Variants in PCARE observed in about 807,000 individuals in gnomAD.
The protein encoded by PCARE is uncharacterized protein C2orf71.
Under a neutral mutation model 82.2 loss-of-function variants are expected in PCARE, and 72 were observed. The ratio of observed to expected loss-of-function variants is 0.88; its 90% CI spans 0.72 to 1.07. The LOEUF (loss-of-function observed/expected upper bound fraction) is 1.07. Ranked by LOEUF, PCARE falls within the 50% of genes least tolerant of loss-of-function variation. PCARE has a pLI of 0.00. For missense variants in PCARE, 1,768 were observed against 1,592.4 expected (o/e 1.11, Z -1.88); for synonymous variants, 705 against 634.8 (o/e 1.11, Z -1.66).
chr2:29,064,690 C>G lies in PCARE; in HGVS notation c.*179G>C. The G allele has an allele frequency of 1.3e-6, 1 of 753,198 alleles. No individual in the cohort carries two copies. The allele number at this position is 753,198 out of a possible 1,614,324, so 46.7% of individuals were successfully genotyped here. A position where few individuals can be genotyped will look rare whatever the true frequency, so the allele number is the denominator to read the frequency against. ...CCCCAAGGCAGAGCAAGATCTGGGA[C>G]TGAAAACGGCGATTGTTTAAAATTC... On this transcript the variant is annotated 3_prime_UTR_variant, in exon 2 of 2. Coordinates refer to ENST00000331664, the MANE Select transcript of PCARE (RefSeq NM_001029883.3).
In PCARE at chr2:29,074,068, C is replaced by G; in HGVS notation, c.194G>C (p.Arg65Thr). Residue 65 changes from arginine (R) to threonine (T), a missense_variant, in exon 1 of 2, where the codon AGG becomes ACG. By Grantham distance (71) the Arg-to-Thr change is moderately conservative. Transcript: ENST00000331664. ...ACCTTTAGCTGTGGTTTGGTTCCTC[C>G]TGGGACTTGGCTGCTCCTCTGCCAG... ...EGLAEEQPSP[R>T]RNQTTAKGLC... 1 of 1,614,206 alleles carries G rather than the reference C, an allele frequency of 6.2e-7. No individual in the cohort carries two copies.
chr2:29,072,901 G>C lies in PCARE; in HGVS notation c.1361C>G (p.Thr454Ser). The C allele has an allele frequency of 6.2e-7, 1 of 1,614,180 alleles. No homozygotes were observed. Among genetic ancestry groups the C allele is most frequent in the Middle Eastern group, 1.6e-4 (1 of 6,062 alleles). Residue 454 changes from threonine (T) to serine (S), a missense_variant, in exon 1 of 2, where the codon ACC becomes AGC. Physicochemically the swap from Thr to Ser is moderately conservative, Grantham distance 58. Transcript: ENST00000331664. ...CCCAATCCCAAAGGAATCACATGGG[G>C]TGCTTGTCCCCAGCTTCAAAGGTGG... Reference protein sequence around the residue: ...TSPPLKLGTSTPCDSFGIGVS... With the variant: ...TSPPLKLGTSSPCDSFGIGVS...
chr2:29,074,288 C>T lies in PCARE; in HGVS notation c.-27G>A. The T allele has an allele frequency of 1.3e-6, 2 of 1,514,392 alleles. No individual in the cohort carries two copies. The highest frequency in any genetic ancestry group is 1.8e-6 in the Non-Finnish European group (2 of 1,133,280). The allele number at this position is 1,514,392 out of a possible 1,614,324, so 93.8% of individuals were successfully genotyped here. On this transcript the variant is annotated 5_prime_UTR_variant, in exon 1 of 2. Coordinates refer to ENST00000331664, the MANE Select transcript of PCARE (RefSeq NM_001029883.3). ...ATTTCAGCTTGTAGTCATCTTCCAC[C>T]CACCTTCACAATTTTCCAAGAATCA...
chr2:29,067,607 C>T (rs1319514172), intron 1 of PCARE, among the ~76,000 whole-genome samples: 2 of 152,196 alleles, frequency 1.3e-5, no homozygotes, highest in African/African-American at 2.4e-5. Context: ...TGCAATGGCA[C>T]GATCTTGGCT....
At position 29,073,430 on chromosome 2, in the gene PCARE, G is replaced by C; in HGVS notation, c.832C>G (p.Leu278Val). 6.2e-7 allele frequency: 1 copy of C among 1,614,146 alleles called. No homozygotes were observed. The highest frequency in any genetic ancestry group is 1.1e-5 in the South Asian group (1 of 91,086). ...QQLLQYTVSK[L>V]QVLNGTVASL... ...GCCACTGTGCCATTGAGCACCTGCA[G>C]CTTGCTGACTGTGTACTGTAGCAGC... is the stretch of plus-strand genomic sequence containing the variant. The change falls in exon 1 of 2, where the codon CTG becomes GTG. Residue 278 changes from leucine (L) to valine (V), a missense_variant. Coordinates refer to ENST00000331664, the MANE Select transcript of PCARE (RefSeq NM_001029883.3).
chr2:29,066,325 AG>A (rs1572822977), intron 1 of PCARE, among the ~76,000 whole-genome samples: 1 of 152,212 alleles, frequency 6.6e-6, no homozygotes, highest in Admixed American at 6.5e-5. Context: ...ATGAACAGGA[AG>A]TCACACTAGG....
chr2:29,070,987 G>A lies in PCARE; in HGVS notation c.3275C>T (p.Pro1092Leu), dbSNP rs748878261. The change falls in exon 1 of 2, where the codon CCA becomes CTA. Residue 1092 changes from proline (P) to leucine (L), a missense_variant. Pro to Leu is a moderately conservative substitution (Grantham distance 98). Transcript: ENST00000331664. ...PPFSIPSPSPPMSPSQEHKET... is the reference protein window; with the variant it reads ...PPFSIPSPSPLMSPSQEHKET... ...CTTGTGCTCCTGAGAAGGGGACATT[G>A]GGGGTGATGGGGAGGGAATCGAGAA... 10 of 1,612,104 alleles carry A rather than the reference G, an allele frequency of 6.2e-6. No homozygotes were observed. Among genetic ancestry groups the A allele is most frequent in the South Asian group, 2.2e-5 (2 of 91,042 alleles).
intron 1 of PCARE, among the ~76,000 whole-genome samples, chr2:29,069,916 C>T (rs1255692289): frequency 2.0e-5 from 3 of 152,078 alleles, no homozygotes; most frequent in African/African-American, 7.2e-5. Context: ...TGAGAACCTC[C>T]CAACTAGATG....
intron 1 of PCARE, among the ~76,000 whole-genome samples, chr2:29,070,119 T>TA (rs1667446766): frequency 2.0e-5 from 3 of 151,626 alleles, no homozygotes; most frequent in Non-Finnish European, 2.9e-5. Context: ...TATATATATA[T>TA]TTTTAAGTTC....
In PCARE at chr2:29,071,148, C is replaced by A; in HGVS notation, c.3114G>T (p.Val1038=). Residue 1038 remains valine, a synonymous_variant, in exon 1 of 2, where the codon GTG becomes GTT. Transcript: ENST00000331664. ...TPPSPPVSPR[V]LSPPTTKRRT... The stretch of plus-strand genomic sequence containing the variant: ...GCCGCTTTGTGGTGGGTGGGCTTAG[C>A]ACCCTGGGGCTCACAGGTGGGCTGG... 1 of 1,580,200 alleles carries A rather than the reference C, an allele frequency of 6.3e-7. No homozygotes were observed. The highest frequency in any genetic ancestry group is 8.6e-7 in the Non-Finnish European group (1 of 1,163,296).
At chr2:29,068,581 G>C (rs867732705) in intron 1 of PCARE, among the ~76,000 whole-genome samples, 1 of 152,014 alleles carries the variant, frequency 6.6e-6, no homozygotes, top group Non-Finnish European at 1.5e-5. Flanking sequence ...ACATTTCCCC[G>C]TGTATTCTGT....
rs1292543451 is a variant in PCARE at position 29,062,492 on chromosome 2, A to T, written c.*2377T>A. 2 of 152,376 alleles carry T rather than the reference A, an allele frequency of 1.3e-5. No homozygotes were observed. The highest frequency in any genetic ancestry group is 2.9e-5 in the Non-Finnish European group (2 of 68,192). The allele number at this position is 152,376 out of a possible 1,614,324, so 9.4% of individuals were successfully genotyped here. A position where few individuals can be genotyped will look rare whatever the true frequency, so the allele number is the denominator to read the frequency against. On this transcript the variant is annotated 3_prime_UTR_variant, in exon 2 of 2. Transcript: ENST00000331664. ...GCTTGCCAGCCTAGCCTGGCGAGGG[A>T]CAACCTCTAGTCTCAGACAGCCTCC... is the stretch of plus-strand genomic sequence containing the variant.
At position 29,070,650 on chromosome 2, in the gene PCARE, C is replaced by G. The variant is rs780134650; in HGVS notation, c.3612G>C (p.Gln1204His). 1.9e-6 allele frequency: 3 copies of G among 1,614,096 alleles called. No homozygotes were observed. Among genetic ancestry groups the G allele is most frequent in the Non-Finnish European group, 2.5e-6 (3 of 1,179,966 alleles). ...TGCTGGTGGGGTCCAAGGTGGGAGG[C>G]TGCGGTCGGCCACCTGGCTGGCGGT... Reference protein sequence around the residue: ...ASDRQPGGRPQPPTLDPTSTS... With the variant: ...ASDRQPGGRPHPPTLDPTSTS... The change falls in exon 1 of 2, where the codon CAG becomes CAC. Residue 1204 changes from glutamine to histidine, a missense_variant. Coordinates refer to ENST00000331664, the MANE Select transcript of PCARE (RefSeq NM_001029883.3).
Position 29,073,732 on chromosome 2 carries a change from G to A in PCARE, c.530C>T (p.Pro177Leu), listed in dbSNP as rs190791051. ...CTGGTGGGCCTTTACCAGAGGCTCC[G>A]GGAAGTCCACTTTGCCTTCAGGCTC... Reference protein sequence around the residue: ...AHEPEGKVDFPEPLVKAHQQA... With the variant: ...AHEPEGKVDFLEPLVKAHQQA... The change falls in exon 1 of 2, where the codon CCG becomes CTG. Residue 177 changes from proline to leucine, a missense_variant. Transcript: ENST00000331664. 387 of 1,614,188 alleles carry A rather than the reference G, an allele frequency of 2.4e-4. No individual in the cohort carries two copies. In the African/African-American group the frequency reaches 4.5e-3, roughly 19 times the overall value.
chr2:29,072,406 A>C lies in PCARE; in HGVS notation c.1856T>G (p.Leu619Arg), dbSNP rs1667507106. The C allele has an allele frequency of 1.2e-6, 2 of 1,614,170 alleles. No individual in the cohort carries two copies. The highest frequency in any genetic ancestry group is 1.7e-6 in the Non-Finnish European group (2 of 1,180,026). ...FQELRRVQRD[L>R]SQKLEAFYAL... ...ATAAAATGCCTCCAGCTTCTGACTGAGGTCCCTCTGGACCCTTCGCAGCTC... is the reference window on the plus strand; with the variant it reads ...ATAAAATGCCTCCAGCTTCTGACTGCGGTCCCTCTGGACCCTTCGCAGCTC... Residue 619 changes from leucine to arginine, a missense_variant, in exon 1 of 2, where the codon CTC (leucine) becomes CGC (arginine). Leu to Arg is a moderately radical substitution (Grantham distance 102). Coordinates refer to ENST00000331664, the MANE Select transcript of PCARE (RefSeq NM_001029883.3).
At chr2:29,067,966 C>T (rs939746122) in intron 1 of PCARE, among the ~76,000 whole-genome samples, 1 of 152,238 alleles carries the variant, frequency 6.6e-6, no homozygotes, top group South Asian at 2.1e-4. Flanking sequence ...AGAAGGGCAT[C>T]ATTTTCTTCT....
In PCARE at chr2:29,071,324, G is replaced by T; in HGVS notation, c.2938C>A (p.Pro980Thr). Residue 980 changes from proline (P) to threonine (T), a missense_variant, in exon 1 of 2, where the codon CCA (proline) becomes ACA (threonine). Pro to Thr is a conservative substitution (Grantham distance 38, BLOSUM62 -1). Coordinates refer to ENST00000331664, the MANE Select transcript of PCARE (RefSeq NM_001029883.3). ...GGGCTTCTCTCTCGGCTCTGCCTTG[G>T]TCTGGCCAGGCTGGACTCTGAGGTC... ...NRTSESSLAR[P>T]RQSRERSPPV... The T allele has an allele frequency of 6.2e-7, 1 of 1,613,566 alleles. No homozygotes were observed. Among genetic ancestry groups the T allele is most frequent in the Non-Finnish European group, 8.5e-7 (1 of 1,179,912 alleles).
Position 29,073,323 on chromosome 2 carries a change from T to C in PCARE, c.939A>G (p.Thr313=). The C allele has an allele frequency of 6.2e-7, 1 of 1,614,172 alleles. No homozygotes were observed. The highest frequency in any genetic ancestry group is 1.1e-5 in the South Asian group (1 of 91,086). ...GGAGGCGTTCATCCACATTCCTTTTTGTGCTCAGCTTATTTTCCAAGTGGG... is the reference window on the plus strand; with the variant it reads ...GGAGGCGTTCATCCACATTCCTTTTCGTGCTCAGCTTATTTTCCAAGTGGG... ...TATHLENKLS[T]KRNVDERLLR... The change falls in exon 1 of 2, where the codon ACA becomes ACG. Residue 313 remains threonine, a synonymous_variant. Transcript: ENST00000331664.
chr2:29,065,174 C>G, intron 1 of PCARE, 107 bp from the exon 2 acceptor site: 1 of 1,315,188 alleles, frequency 7.6e-7, no homozygotes. Flanking sequence ...CAGCCCTCTC[C>G]CACAAGCCTG....
Sources: allele counts gnomAD v4.1 joint callset (sites outside exome capture counted in the v4.1 genomes callset), GRCh38; gene constraint gnomAD v4.1.1; transcripts MANE v1.5; gene names NCBI Gene and HGNC (gene_info 2026-07-23, HGNC 2026-07-21).